Variants in MRAP2 observed in about 807,000 individuals in gnomAD.
The protein encoded by MRAP2 is melanocortin 2 receptor accessory protein 2.
A neutral mutation model predicts 17.4 loss-of-function variants in MRAP2; 20 were observed. That is an observed-to-expected ratio of 1.15 (90% confidence interval 0.81 to 1.67). The LOEUF is 1.67. Ranked by LOEUF, MRAP2 falls within the 40% of genes most tolerant of loss-of-function variation. The probability of loss-of-function intolerance (pLI) is 0.00; values close to 1 mark genes in which losing one functional copy is unlikely to be tolerated. For synonymous variants in MRAP2, 96 were observed against 88.4 expected (o/e 1.09, Z -0.48); for missense variants, 238 against 240.0 (o/e 0.99, Z 0.05).
rs112002458 is a variant in MRAP2 at position 84,077,262 on chromosome 6, G to T, written c.228-11829G>T. 2.3e-3 allele frequency among the ~76,000 whole-genome samples: 353 copies of T among 152,312 alleles called. 1 individual carries two copies. The highest frequency in any genetic ancestry group is 7.9e-3 in the African/African-American group (327 of 41,574). The stretch of plus-strand genomic sequence containing the variant: ...ATTGGGAGATCAGAGTGTCTCCATG[G>T]CATCAGTGACATTGGAGTTGACAGT... On this transcript the variant is annotated intron_variant, in intron 3 of 3. Transcript: ENST00000257776.
At chr6:84,097,147 T>C in the MRAP2 span, among the ~76,000 whole-genome samples, 1 of 152,176 alleles carries the variant, frequency 6.6e-6, no homozygotes, top group Non-Finnish European at 1.5e-5. Flanking sequence ...CTGAAAGCTC[T>C]ACATGATCTA....
the MRAP2 span, chr6:84,125,350 T>C: frequency 1.5e-6 from 2 of 1,306,118 alleles, no homozygotes; most frequent in African/African-American, 1.5e-5. Flanking sequence ...AATCTTAAAG[T>C]AGGCAAACCT....
At chr6:84,067,775 G>A (rs1270874494) in intron 3 of MRAP2, among the ~76,000 whole-genome samples, 1 of 145,590 alleles carries the variant, frequency 6.9e-6, no homozygotes, top group Non-Finnish European at 1.5e-5. Flanking sequence ...GTTCGTTGTA[G>A]ATTCTGGATA....
At chr6:84,109,276 G>A in the MRAP2 span, among the ~76,000 whole-genome samples, 19 of 152,176 alleles carry the variant, frequency 1.2e-4, no homozygotes, top group African/African-American at 4.1e-4. Context: ...ATGACTATAT[G>A]CATGCTATTG....
the MRAP2 span, among the ~76,000 whole-genome samples, chr6:84,111,847 A>T: frequency 1.3e-5 from 2 of 152,312 alleles, no homozygotes; most frequent in African/African-American, 4.8e-5. Flanking sequence ...CCTTTTCTGC[A>T]TCTATTGAGA....
At chr6:84,062,422 C>T in intron 2 of MRAP2, 1 of 536,812 alleles carries the variant, frequency 1.9e-6, no homozygotes, top group Non-Finnish European at 2.4e-6. Flanking sequence ...TGAATCTATT[C>T]TGATTCTGGG....
rs148351829 is a variant in MRAP2, at chr6:84,067,226, T to C, written c.227+4234T>C. 5.9e-3 allele frequency among the ~76,000 whole-genome samples: 902 copies of C among 152,322 alleles called. 3 individuals are homozygous for C. The highest frequency in any genetic ancestry group is 0.021 in the African/African-American group (870 of 41,576). ...CAAATGCTGTTAATTCATTCCTTTTTATGGCTGAGTAGTGTCCCACCATAT... is the reference window on the plus strand; with the variant it reads ...CAAATGCTGTTAATTCATTCCTTTTCATGGCTGAGTAGTGTCCCACCATAT... On this transcript the variant is annotated intron_variant, in intron 3 of 3. Coordinates refer to ENST00000257776, the MANE Select transcript of MRAP2 (RefSeq NM_138409.4).
the MRAP2 span, among the ~76,000 whole-genome samples, chr6:84,114,480 CT>C: frequency 6.6e-6 from 1 of 152,004 alleles, no homozygotes; most frequent in Non-Finnish European, 1.5e-5. Flanking sequence ...CTCCTCTAAC[CT>C]TTTTTCAAGG....
chr6:84,068,501 T>C (rs1486274611), intron 3 of MRAP2, among the ~76,000 whole-genome samples: 1 of 152,202 alleles, frequency 6.6e-6, no homozygotes, highest in Non-Finnish European at 1.5e-5. Context: ...ACAATATTGA[T>C]TTTATCCATC....
the MRAP2 span, chr6:84,125,225 C>T: frequency 6.2e-7 from 1 of 1,613,538 alleles, no homozygotes; most frequent in Admixed American, 1.7e-5. Flanking sequence ...TTCCATTTTT[C>T]AACTTCTTTG....
At chr6:84,105,950 TC>T in the MRAP2 span, among the ~76,000 whole-genome samples, 1 of 152,108 alleles carries the variant, frequency 6.6e-6, no homozygotes, top group East Asian at 1.9e-4. Flanking sequence ...GTGGTGCCAT[TC>T]CCATTTCCAC....
At chr6:84,111,553 A>G in the MRAP2 span, among the ~76,000 whole-genome samples, 1 of 152,154 alleles carries the variant, frequency 6.6e-6, no homozygotes, top group East Asian at 1.9e-4. Flanking sequence ...CTGCAAAAAG[A>G]GACAATTTGA....
intron 3 of MRAP2, among the ~76,000 whole-genome samples, chr6:84,074,609 C>T (rs547424660): frequency 3.9e-4 from 60 of 152,318 alleles, no homozygotes; most frequent in Middle Eastern, 6.8e-3. Context: ...TGACAGATAA[C>T]ACCACCTGTG....
the MRAP2 span, among the ~76,000 whole-genome samples, chr6:84,121,199 T>C: frequency 2.0e-5 from 3 of 152,148 alleles, no homozygotes; most frequent in Admixed American, 1.3e-4. Context: ...CTCAGCCTCC[T>C]GAGTAGCTGG....
At chr6:84,108,682 G>A in the MRAP2 span, among the ~76,000 whole-genome samples, 1 of 152,132 alleles carries the variant, frequency 6.6e-6, no homozygotes, top group Admixed American at 6.5e-5. Flanking sequence ...TCTTTAGTTA[G>A]ATCCCATTTG....
At chr6:84,045,460 A>G (rs1361223941) in intron 1 of MRAP2, among the ~76,000 whole-genome samples, 2 of 147,162 alleles carry the variant, frequency 1.4e-5, no homozygotes, top group African/African-American at 5.0e-5. Context: ...AAGAAGCCTG[A>G]AAAAAAAAAA....
intron 3 of MRAP2, among the ~76,000 whole-genome samples, chr6:84,083,453 A>T (rs1296640792): frequency 6.6e-6 from 1 of 152,250 alleles, no homozygotes. Flanking sequence ...CAGAAGATAC[A>T]GCTGCTTTTA....
At chr6:84,115,412 G>A in the MRAP2 span, among the ~76,000 whole-genome samples, 19 of 152,280 alleles carry the variant, frequency 1.2e-4, no homozygotes, top group Non-Finnish European at 2.8e-4. Flanking sequence ...AGCAATGGTG[G>A]ACGCCCCTTC....
At chr6:84,064,776 C>T (rs764326353) in intron 3 of MRAP2, among the ~76,000 whole-genome samples, 15 of 152,240 alleles carry the variant, frequency 9.9e-5, no homozygotes, top group Admixed American at 3.3e-4. Context: ...CGTGAGCCAC[C>T]GCGCCGGGCC....
Sources: gnomAD v4.1 joint callset for allele counts (sites outside exome capture counted in the v4.1 genomes callset) on GRCh38, gnomAD v4.1.1 for gene constraint, MANE v1.5 for transcripts, NCBI Gene and HGNC (gene_info 2026-07-23, HGNC 2026-07-21) for gene names.